CELF2: variants seen among roughly 807,000 people sequenced by gnomAD.
CELF2 encodes CUG triplet repeat RNA-binding protein 2.
CELF2 carries 8 observed loss-of-function variants against 62.6 expected under a neutral mutation model. The observed-to-expected ratio is 0.13, with a 90% confidence interval of 0.07 to 0.23. The LOEUF is 0.23. Among genes scored for constraint, CELF2 ranks in the 10% least tolerant of loss-of-function variants. The pLI, the probability that CELF2 is intolerant of heterozygous loss-of-function variation, is 1.00. For synonymous variants in CELF2, 258 were observed against 250.0 expected (o/e 1.03, Z -0.30); for missense variants, 333 against 671.0 (o/e 0.50, Z 5.56).
chr10:11,140,596 A>G (rs1365954917), intron 1 of CELF2, among the ~76,000 whole-genome samples: 3 of 152,210 alleles, frequency 2.0e-5, no homozygotes, highest in African/African-American at 4.8e-5. Flanking sequence ...AAGTTTTGGT[A>G]TATTGGAAAA....
the CELF2 span, among the ~76,000 whole-genome samples, chr10:10,704,176 C>T: frequency 6.6e-6 from 1 of 152,240 alleles, no homozygotes; most frequent in Non-Finnish European, 1.5e-5. Context: ...ACCAAGACTT[C>T]ATTATCTTTA....
chr10:10,927,955 A>T (rs912877238), intron 2 of CELF2, among the ~76,000 whole-genome samples: 2 of 152,092 alleles, frequency 1.3e-5, no homozygotes, highest in Non-Finnish European at 2.9e-5. Context: ...AATCAATGCA[A>T]TGCACTTTGG....
chr10:11,111,550 CT>C (rs1038859185), intron 1 of CELF2, among the ~76,000 whole-genome samples: 3 of 151,678 alleles, frequency 2.0e-5, no homozygotes, highest in South Asian at 2.1e-4. Context: ...ATTTATGTTT[CT>C]TTTTTTTTCC....
chr10:11,132,179 T>C (rs936749848), intron 1 of CELF2, among the ~76,000 whole-genome samples: 6 of 152,262 alleles, frequency 3.9e-5, no homozygotes, highest in Admixed American at 2.0e-4. Flanking sequence ...CAATTAAACA[T>C]GTCTACCAGT....
At chr10:11,041,215 A>G (rs1268246308) in intron 1 of CELF2, among the ~76,000 whole-genome samples, 1 of 152,102 alleles carries the variant, frequency 6.6e-6, no homozygotes, top group African/African-American at 2.4e-5. Context: ...AACTCAATCT[A>G]CTTCCCAAAG....
At chr10:11,148,698 AAGTGGTTC>A (rs1477189902) in intron 1 of CELF2, among the ~76,000 whole-genome samples, 5 of 152,218 alleles carry the variant, frequency 3.3e-5, no homozygotes, top group Non-Finnish European at 7.3e-5. Context: ...TTTCATACAT[AAGTGGTTC>A]CATAATTTAT....
At chr10:11,158,999 C>G (rs113941542) in intron 1 of CELF2, among the ~76,000 whole-genome samples, 1,599 of 152,270 alleles carry the variant, frequency 0.011, 33 homozygotes, top group Admixed American at 0.051. Context: ...TTCAGAGGAG[C>G]TCAAGCTATT....
At chr10:10,892,308 G>T (rs1052899148) in intron 1 of CELF2, among the ~76,000 whole-genome samples, 1 of 152,074 alleles carries the variant, frequency 6.6e-6, no homozygotes, top group South Asian at 2.1e-4. Flanking sequence ...CTTGGCCAAG[G>T]TCACTCACCC....
the CELF2 span, among the ~76,000 whole-genome samples, chr10:10,578,421 C>T: frequency 2.6e-5 from 4 of 152,138 alleles, no homozygotes; most frequent in Non-Finnish European, 5.9e-5. Flanking sequence ...GTGTTTTAGA[C>T]ATGAAGTCCT....
At position 11,177,830 on chromosome 10, in the gene CELF2, C is replaced by G. The variant is rs1160657823; in HGVS notation, c.271+12148C>G. On this transcript the variant is annotated intron_variant, in intron 2 of 12. Transcript: ENST00000633077. The surrounding 1 kb of genome is among the most constrained non-coding windows in gnomAD (Gnocchi z 4.8). ...AGGGCCTTTCTCTGCCTCCCATTCC[C>G]AAAGCATTCTCCCTAACCCCATGGT... Among the ~76,000 whole-genome samples, 1 of 152,110 alleles carries G rather than the reference C, an allele frequency of 6.6e-6. No individual in the cohort carries two copies. The highest frequency in any genetic ancestry group is 1.5e-5 in the Non-Finnish European group (1 of 68,024).
In CELF2 at chr10:10,957,700, C is replaced by T. The variant is rs931873568; in HGVS notation, c.89+37701C>T. Among the ~76,000 whole-genome samples, 10 of 152,160 alleles carry T rather than the reference C, an allele frequency of 6.6e-5. No individual in the cohort carries two copies. Among genetic ancestry groups the T allele is most frequent in the African/African-American group, 2.4e-4 (10 of 41,446 alleles). ...CCAAATTCTCCAGCTTCTCCTTGCT[C>T]ACATGTCTTCAAAAGAGTTGGTAGC... On this transcript the variant is annotated intron_variant, in intron 2 of 13. Transcript: ENST00000636488. This position sits in a 1 kb window ranked among gnomAD's most constrained non-coding sequence, Gnocchi z 4.1.
At chr10:10,711,490 C>T in the CELF2 span, among the ~76,000 whole-genome samples, 3 of 152,156 alleles carry the variant, frequency 2.0e-5, no homozygotes, top group Non-Finnish European at 2.9e-5. Context: ...CTCCAAAGTC[C>T]ATTCCTGACC....
chr10:10,752,616 G>A, the CELF2 span, among the ~76,000 whole-genome samples: 20 of 147,362 alleles, frequency 1.4e-4, no homozygotes, highest in East Asian at 4.0e-3. Context: ...CTTGAACCCG[G>A]GAGGTGGAGG....
chr10:11,299,892 T>C (rs1162125728), intron 9 of CELF2, among the ~76,000 whole-genome samples: 1 of 152,180 alleles, frequency 6.6e-6, no homozygotes, highest in African/African-American at 2.4e-5. Flanking sequence ...GTATATACTT[T>C]TGTTTCAGTA....
At chr10:10,550,826 G>A in the CELF2 span, among the ~76,000 whole-genome samples, 2 of 152,074 alleles carry the variant, frequency 1.3e-5, no homozygotes, top group African/African-American at 4.8e-5. Context: ...AGCCTCCCGA[G>A]TGGCTGGGAT....
the CELF2 span, among the ~76,000 whole-genome samples, chr10:10,609,840 G>A: frequency 5.3e-5 from 8 of 152,312 alleles, 1 homozygote; most frequent in East Asian, 5.8e-4. Context: ...CTGTGCCATC[G>A]TCTGCATCTA....
rs368179577 is a variant in CELF2, at chr10:11,251,368, A to G, written c.403+2167A>G. On this transcript the variant is annotated intron_variant, in intron 4 of 12. Coordinates refer to ENST00000633077, the MANE Select transcript of CELF2 (RefSeq NM_001326342.2). ...CTACAGGCAGCTGCCAGGAGTTTGC[A>G]GAGTGTTTTGTTGTTCTTTCTGTCC... Among the ~76,000 whole-genome samples, 37 of 129,598 alleles carry G rather than the reference A, an allele frequency of 2.9e-4. No individual in the cohort carries two copies. In the Middle Eastern group the frequency reaches 0.027, roughly 94 times the overall value. The allele number at this position is 129,598 out of a possible 152,430, so 85.0% of individuals were successfully genotyped here.
rs1438349534 is a variant in CELF2, at chr10:11,246,534, G to A, written c.355-2619G>A. Among the ~76,000 whole-genome samples the A allele has an allele frequency of 1.3e-5, 2 of 152,038 alleles. No individual in the cohort carries two copies. Among genetic ancestry groups the A allele is most frequent in the Admixed American group, 6.5e-5 (1 of 15,268 alleles). On this transcript the variant is annotated intron_variant, in intron 3 of 12. Coordinates refer to ENST00000633077, the MANE Select transcript of CELF2 (RefSeq NM_001326342.2). The surrounding 1 kb of genome is among the most constrained non-coding windows in gnomAD (Gnocchi z 4.6). ...CTGCCCCTCCACAGAACCTACTTCT[G>A]ATAAATCCCGTGAAGAATTTTTTAT...
At chr10:10,728,165 C>A in the CELF2 span, among the ~76,000 whole-genome samples, 1 of 150,810 alleles carries the variant, frequency 6.6e-6, no homozygotes, top group Non-Finnish European at 1.5e-5. Flanking sequence ...TGTGACCAGT[C>A]GCGGTGGCTC....
Sources: gnomAD v4.1 joint callset for allele counts (sites outside exome capture counted in the v4.1 genomes callset) on GRCh38, gnomAD v4.1.1 for gene constraint, Gnocchi (gnomAD v3.1) non-coding constraint, MANE v1.5 for transcripts, NCBI Gene and HGNC (gene_info 2026-07-23, HGNC 2026-07-21) for gene names.